The following ING3 variants were observed in gnomAD, a reference collection of about 807,000 sequenced individuals.
The protein encoded by ING3 is inhibitor of growth protein 3.
ING3 carries 6 observed loss-of-function variants against 64.8 expected under a neutral mutation model. The ratio of observed to expected loss-of-function variants is 0.09; its 90% CI spans 0.05 to 0.18. ING3 has a LOEUF of 0.18. Ranked by LOEUF, ING3 falls within the 10% of genes least tolerant of loss-of-function variation. The probability of loss-of-function intolerance (pLI) is 1.00; values close to 1 mark genes in which losing one functional copy is unlikely to be tolerated. For missense variants in ING3, 310 were observed against 489.7 expected, an observed-to-expected ratio of 0.63 and a Z score of 3.46; for synonymous variants, 170 against 173.7, an observed-to-expected ratio of 0.98 and a Z score of 0.17.
At chr7:120,957,046 G>A (rs1795859157) in intron 4 of ING3, 2 of 236,142 alleles carry the variant, frequency 8.5e-6, no homozygotes, top group East Asian at 1.8e-4. Context: ...CTGAAAAAAG[G>A]GAGCTGTACC....
intron 4 of ING3, among the ~76,000 whole-genome samples, chr7:120,957,798 A>G (rs1252314719): frequency 6.6e-6 from 1 of 152,224 alleles, no homozygotes; most frequent in Non-Finnish European, 1.5e-5. Context: ...ACAGAAAGCA[A>G]GTGTCCATAA....
chr7:120,953,045 G>T (rs1031026565), intron 2 of ING3, among the ~76,000 whole-genome samples: 12 of 152,052 alleles, frequency 7.9e-5, no homozygotes, highest in African/African-American at 2.9e-4. Flanking sequence ...TTATAGTATA[G>T]AGCCTATCTA....
intron 10 of ING3, 108 bp downstream of exon 10, chr7:120,970,988 AT>A: frequency 8.7e-7 from 1 of 1,154,054 alleles, no homozygotes; most frequent in African/African-American, 1.5e-5. Flanking sequence ...CCTTTGCTTT[AT>A]TTGTATACTT....
At chr7:120,956,019 C>G in intron 4 of ING3, 1 of 664,834 alleles carries the variant, frequency 1.5e-6, no homozygotes, top group Non-Finnish European at 2.7e-6. Context: ...GACAAGAGTT[C>G]TTGGTAGTCT....
intron 9 of ING3, 22 bp downstream of exon 9, chr7:120,969,226 G>A (rs766408610): frequency 1.3e-6 from 2 of 1,588,800 alleles, no homozygotes; most frequent in Admixed American, 1.7e-5. Flanking sequence ...TGTTACAGTA[G>A]CCCTATACCT....
At chr7:120,971,371 AG>A (rs1796068057) in intron 10 of ING3, among the ~76,000 whole-genome samples, 1 of 152,192 alleles carries the variant, frequency 6.6e-6, no homozygotes, top group South Asian at 2.1e-4. Context: ...TTGTCAGAGT[AG>A]GACCCCACTC....
chr7:120,959,880 C>T (rs904934343), intron 4 of ING3, among the ~76,000 whole-genome samples: 3 of 151,654 alleles, frequency 2.0e-5, no homozygotes, highest in Admixed American at 6.6e-5. Flanking sequence ...CTCCTGACCT[C>T]GTGATCCGCC....
chr7:120,973,543 A>G (rs1444422988), intron 11 of ING3, among the ~76,000 whole-genome samples: 1 of 152,190 alleles, frequency 6.6e-6, no homozygotes, highest in Non-Finnish European at 1.5e-5. Context: ...TGTGTTTACT[A>G]GAATCCAGTT....
chr7:120,969,872 T>C (rs1796044118), intron 9 of ING3, among the ~76,000 whole-genome samples: 1 of 152,170 alleles, frequency 6.6e-6, no homozygotes, highest in African/African-American at 2.4e-5. Context: ...TGTGAATTAA[T>C]CCCTTAAAGA....
intron 10 of ING3, 97 bp downstream of exon 10, chr7:120,970,977 A>G: frequency 8.1e-7 from 1 of 1,230,478 alleles, no homozygotes; most frequent in South Asian, 1.4e-5. Context: ...CACTTAAAAT[A>G]CCTTTGCTTT....
In ING3 at chr7:120,976,613, G is replaced by GT. The variant is rs1226131724; in HGVS notation, c.*1770dup. On this transcript the variant is annotated 3_prime_UTR_variant, in exon 12 of 12. Transcript: ENST00000315870. ...GTATATTGCCTGGAAATGCTCACAT[G>GT]TATCATTTACATCCTCTATATATTA... The GT allele has an allele frequency of 1.3e-5, 2 of 152,162 alleles. No homozygotes were observed. The highest frequency in any genetic ancestry group is 2.4e-5 in the African/African-American group (1 of 41,440). The allele number at this position is 152,162 out of a possible 1,614,324, so 9.4% of individuals were successfully genotyped here.
intron 4 of ING3, among the ~76,000 whole-genome samples, chr7:120,958,538 T>A (rs1042027575): frequency 6.6e-6 from 1 of 152,218 alleles, no homozygotes; most frequent in African/African-American, 2.4e-5. Context: ...CCTCTGATAC[T>A]TCTTGCGTCT....
At chr7:120,958,369 C>G (rs894931602) in intron 4 of ING3, among the ~76,000 whole-genome samples, 1 of 152,108 alleles carries the variant, frequency 6.6e-6, no homozygotes, top group African/African-American at 2.4e-5. Flanking sequence ...AATTTAATGG[C>G]TTCTAGGTGA....
chr7:120,951,057 CGTT>C (rs1258996390), intron 1 of ING3, 104 bp from the exon 2 acceptor site: 5 of 1,496,496 alleles, frequency 3.3e-6, no homozygotes, highest in African/African-American at 1.4e-5. Context: ...CTGGCAGCCT[CGTT>C]GTGGGCTGCC....
intron 4 of ING3, among the ~76,000 whole-genome samples, chr7:120,958,844 T>G (rs1795889048): frequency 6.6e-6 from 1 of 152,220 alleles, no homozygotes; most frequent in Non-Finnish European, 1.5e-5. Flanking sequence ...GCTAGTGTAG[T>G]CTTCCTTAAT....
intron 2 of ING3, among the ~76,000 whole-genome samples, chr7:120,951,755 G>A (rs902246626): frequency 6.6e-6 from 1 of 152,152 alleles, no homozygotes; most frequent in Non-Finnish European, 1.5e-5. Context: ...TAACAGAATC[G>A]TCATTTTCTT....
intron 7 of ING3, 113 bp downstream of exon 7, chr7:120,967,761 C>T: frequency 7.7e-7 from 1 of 1,294,142 alleles, no homozygotes; most frequent in Non-Finnish European, 1.1e-6. Flanking sequence ...TTAAAGTATA[C>T]ATATGGAGAA....
intron 1 of ING3, 54 bp downstream of exon 1, chr7:120,950,978 G>A (rs529212894): frequency 2.5e-6 from 4 of 1,604,092 alleles, no homozygotes; most frequent in South Asian, 2.2e-5. Context: ...GCGGGCAAGA[G>A]CGCGAGTGGA....
rs1045634233 is a variant in ING3, at chr7:120,970,567, A to G, written c.909-121A>G. 3 of 970,434 alleles carry G rather than the reference A, an allele frequency of 3.1e-6. No individual in the cohort carries two copies. The African/African-American group carries it at 4.9e-5, about 16-fold the overall frequency. The allele number at this position is 970,434 out of a possible 1,614,324, so 60.1% of individuals were successfully genotyped here. Reference sequence around the variant, plus strand: ...TTTAAGTCATTGGTAAATCCGGATTACTTTAGCTTACACTTTAATTTATAC... The same window carrying G: ...TTTAAGTCATTGGTAAATCCGGATTGCTTTAGCTTACACTTTAATTTATAC... On this transcript the variant is annotated intron_variant, in intron 9 of 11. Coordinates refer to ENST00000315870, the MANE Select transcript of ING3 (RefSeq NM_019071.3).
Sources: allele counts gnomAD v4.1 joint callset (sites outside exome capture counted in the v4.1 genomes callset), GRCh38; gene constraint gnomAD v4.1.1; transcripts MANE v1.5; gene names NCBI Gene and HGNC (gene_info 2026-07-23, HGNC 2026-07-21).